Variants in NTN4 observed in about 807,000 individuals in gnomAD.
NTN4 encodes netrin 4, also known as netrin-4.
A neutral mutation model predicts 73.6 loss-of-function variants in NTN4; 32 were observed. That is an observed-to-expected ratio of 0.44 (90% CI 0.33 to 0.58). NTN4 has a LOEUF of 0.58. Among genes scored for constraint, NTN4 ranks in the 20% least tolerant of loss-of-function variants. The pLI, the probability that NTN4 is intolerant of heterozygous loss-of-function variation, is 0.04. For synonymous variants in NTN4, 258 were observed against 287.5 expected, an observed-to-expected ratio of 0.90 and a Z score of 1.04; for missense variants, 654 against 798.3, an observed-to-expected ratio of 0.82 and a Z score of 2.18.
intron 2 of NTN4, among the ~76,000 whole-genome samples, chr12:95,782,387 C>A (rs926271672): frequency 6.6e-6 from 1 of 151,922 alleles, no homozygotes; most frequent in African/African-American, 2.4e-5. Context: ...CCTCCGCCTC[C>A]CAGGTTCAAG....
chr12:95,775,007 C>A lies in NTN4; in HGVS notation c.585+11932G>T, dbSNP rs546613951. On this transcript the variant is annotated intron_variant, in intron 2 of 9. Transcript: ENST00000343702. ...CAGATTTCAGCTGAGTAATTGAAGA[C>A]AAGTCACTTCAACTATCTTTAGGCT... Among the ~76,000 whole-genome samples the A allele has an allele frequency of 2.6e-5, 4 of 152,348 alleles. No homozygotes were observed. In the South Asian group the frequency reaches 8.3e-4, roughly 32 times the overall value.
At chr12:95,683,980 G>T (rs1293780832) in intron 5 of NTN4, among the ~76,000 whole-genome samples, 5 of 152,194 alleles carry the variant, frequency 3.3e-5, no homozygotes, top group Admixed American at 6.5e-5. Context: ...TTTGGTTGGG[G>T]TGATGAGGAC....
chr12:95,780,672 G>C (rs1047921662), intron 2 of NTN4, among the ~76,000 whole-genome samples: 3 of 152,214 alleles, frequency 2.0e-5, no homozygotes, highest in Non-Finnish European at 4.4e-5. Flanking sequence ...AGAGGATGTG[G>C]AGAAATAGGA....
At chr12:95,702,153 A>C (rs1383493600) in intron 5 of NTN4, among the ~76,000 whole-genome samples, 1 of 151,900 alleles carries the variant, frequency 6.6e-6, no homozygotes, top group Non-Finnish European at 1.5e-5. Flanking sequence ...GGTGACGAGC[A>C]CCTGTAATCC....
intron 2 of NTN4, among the ~76,000 whole-genome samples, chr12:95,768,873 G>A (rs1290342806): frequency 6.6e-6 from 1 of 152,194 alleles, no homozygotes; most frequent in Non-Finnish European, 1.5e-5. Context: ...GGACCTGGTG[G>A]ATGATCGAAG....
intron 2 of NTN4, among the ~76,000 whole-genome samples, chr12:95,765,402 T>C (rs7304276): frequency 0.56 from 84,685 of 151,584 alleles, 23,880 homozygotes; most frequent in East Asian, 0.68. Flanking sequence ...CGTTATCTAC[T>C]ATTAAATGCC....
intron 5 of NTN4, among the ~76,000 whole-genome samples, chr12:95,710,084 T>C (rs1565892213): frequency 2.0e-5 from 3 of 152,196 alleles, no homozygotes; most frequent in Admixed American, 2.0e-4. Context: ...TTTCATCAGC[T>C]TGAGTCCATT....
intron 3 of NTN4, among the ~76,000 whole-genome samples, chr12:95,716,676 C>A (rs1413689405): frequency 6.6e-6 from 1 of 152,050 alleles, no homozygotes; most frequent in Non-Finnish European, 1.5e-5. Context: ...CCAGTGGCAC[C>A]CACATGTATT....
At chr12:95,672,151 T>G in intron 7 of NTN4, 1 of 438,808 alleles carries the variant, frequency 2.3e-6, no homozygotes, top group African/African-American at 2.1e-5. Flanking sequence ...TAAGACATTG[T>G]CTCTACAAAA....
intron 2 of NTN4, among the ~76,000 whole-genome samples, chr12:95,780,894 C>T (rs2079128022): frequency 6.6e-6 from 1 of 152,160 alleles, no homozygotes; most frequent in South Asian, 2.1e-4. Context: ...GACTTGGAAC[C>T]AACCCAAATG....
chr12:95,732,004 T>C (rs1319996551), intron 3 of NTN4, among the ~76,000 whole-genome samples: 2 of 152,206 alleles, frequency 1.3e-5, no homozygotes, highest in Admixed American at 6.5e-5. Context: ...GGGTAACTGT[T>C]GTCATCAGTA....
Position 95,658,190 on chromosome 12 carries a change from A to G in NTN4, c.*896T>C, listed in dbSNP as rs1265895802. The G allele has an allele frequency of 6.6e-6, 1 of 152,228 alleles. No homozygotes were observed. 9.4% of individuals were successfully genotyped at this position (152,228 alleles called of 1,614,324 possible). On this transcript the variant is annotated 3_prime_UTR_variant, in exon 10 of 10. Coordinates refer to ENST00000343702, the MANE Select transcript of NTN4 (RefSeq NM_021229.4). ...CTACAATAATTTTTGAAGTGTATAC[A>G]AGTGCATTGCAAATGAGCTCTTTAA... is the stretch of plus-strand genomic sequence containing the variant.
intron 3 of NTN4, among the ~76,000 whole-genome samples, chr12:95,733,156 T>A (rs1384057118): frequency 6.6e-6 from 1 of 152,246 alleles, no homozygotes; most frequent in Non-Finnish European, 1.5e-5. Flanking sequence ...AATAAAATAA[T>A]GAAACATTCC....
At chr12:95,784,753 C>A (rs1037602760) in intron 2 of NTN4, among the ~76,000 whole-genome samples, 20 of 150,520 alleles carry the variant, frequency 1.3e-4, no homozygotes, top group African/African-American at 4.7e-4. Flanking sequence ...GGTGACAGAG[C>A]GGGACTCAGT....
At chr12:95,777,532 T>C (rs1392579553) in intron 2 of NTN4, among the ~76,000 whole-genome samples, 8 of 152,116 alleles carry the variant, frequency 5.3e-5, no homozygotes, top group Admixed American at 5.2e-4. Flanking sequence ...TAAAACAGAC[T>C]TTAAACCAAC....
chr12:95,780,886 C>G (rs2079127965), intron 2 of NTN4, among the ~76,000 whole-genome samples: 1 of 152,138 alleles, frequency 6.6e-6, no homozygotes, highest in South Asian at 2.1e-4. Context: ...ATAGCAAAGA[C>G]TTGGAACCAA....
chr12:95,746,446 C>T (rs963023980), intron 2 of NTN4, among the ~76,000 whole-genome samples: 14 of 152,160 alleles, frequency 9.2e-5, no homozygotes, highest in African/African-American at 3.4e-4. Flanking sequence ...TCTTCGGGGC[C>T]GAGAGAACTT....
At chr12:95,770,839 C>A (rs2079052018) in intron 2 of NTN4, among the ~76,000 whole-genome samples, 1 of 152,144 alleles carries the variant, frequency 6.6e-6, no homozygotes, top group Non-Finnish European at 1.5e-5. Flanking sequence ...TGTAAAGTAA[C>A]ATCAGCAAAC....
intron 5 of NTN4, among the ~76,000 whole-genome samples, chr12:95,709,693 C>T (rs1227192778): frequency 6.6e-6 from 1 of 151,998 alleles, no homozygotes; most frequent in Non-Finnish European, 1.5e-5. Context: ...AGCACCATAC[C>T]CAGCTATTTT....
Sources: allele counts gnomAD v4.1 joint callset (sites outside exome capture counted in the v4.1 genomes callset), GRCh38; gene constraint gnomAD v4.1.1; transcripts MANE v1.5; gene names NCBI Gene and HGNC (gene_info 2026-07-23, HGNC 2026-07-21).